Variants in ZFR observed in about 807,000 individuals in gnomAD.
ZFR encodes the protein zinc finger RNA binding protein, also known as zinc finger RNA-binding protein.
A neutral mutation model predicts 130.7 loss-of-function variants in ZFR; 19 were observed. That is an observed-to-expected ratio of 0.15 (90% CI 0.10 to 0.21). ZFR has a LOEUF of 0.21. Ranked by LOEUF, ZFR falls within the 10% of genes least tolerant of loss-of-function variation. ZFR has a pLI of 1.00. For synonymous variants in ZFR, 466 were observed against 456.9 expected (o/e 1.02, Z -0.25); for missense variants, 872 against 1,321.5 (o/e 0.66, Z 5.27).
At chr5:32,431,500 G>C (rs558065917) in intron 2 of ZFR, among the ~76,000 whole-genome samples, 1 of 152,298 alleles carries the variant, frequency 6.6e-6, no homozygotes, top group South Asian at 2.1e-4. Flanking sequence ...AGAAAACATA[G>C]ACAGCTTCTG....
In ZFR at chr5:32,391,726, G is replaced by T. The variant is rs181475494; in HGVS notation, c.1980-1289C>A. On this transcript the variant is annotated intron_variant, in intron 11 of 19. Transcript: ENST00000265069. The stretch of plus-strand genomic sequence containing the variant: ...AGTGCGCTTCCTGACTACCATTACA[G>T]AAACTACCAATTTCCTCAGGTTGGG... 7.2e-5 allele frequency among the ~76,000 whole-genome samples: 11 copies of T among 152,080 alleles called. No homozygotes were observed. In the East Asian group the frequency reaches 2.1e-3, roughly 29 times the overall value.
At chr5:32,437,183 T>G (rs1486735598) in intron 2 of ZFR, among the ~76,000 whole-genome samples, 2 of 152,198 alleles carry the variant, frequency 1.3e-5, no homozygotes, top group East Asian at 3.8e-4. Flanking sequence ...TCAAACTCCA[T>G]AGTCAAAATC....
intron 13 of ZFR, 82 bp downstream of exon 13, chr5:32,388,387 A>G (rs1051175679): frequency 1.6e-6 from 2 of 1,278,894 alleles, no homozygotes; most frequent in Admixed American, 4.1e-5. Context: ...CAGAGTTACC[A>G]GTCATAAGCT....
intron 2 of ZFR, among the ~76,000 whole-genome samples, chr5:32,441,582 G>C (rs557213289): frequency 1.7e-4 from 26 of 151,466 alleles, no homozygotes; most frequent in African/African-American, 5.8e-4. Flanking sequence ...CTGAGTTTGA[G>C]ATCTTCAAAT....
At chr5:32,398,480 G>C (rs576206400) in intron 9 of ZFR, among the ~76,000 whole-genome samples, 1 of 152,256 alleles carries the variant, frequency 6.6e-6, no homozygotes, top group Admixed American at 6.5e-5. Context: ...GATAGGTTCT[G>C]AATGTAATTC....
At position 32,415,072 on chromosome 5, in the gene ZFR, G is replaced by C; in HGVS notation, c.681C>G (p.Ile227Met). 1 of 1,614,186 alleles carries C rather than the reference G, an allele frequency of 6.2e-7. No individual in the cohort carries two copies. Among genetic ancestry groups the C allele is most frequent in the Non-Finnish European group, 8.5e-7 (1 of 1,180,028 alleles). Reference protein sequence around the residue: ...TPSPATTTFSIYPVSSTVQPV... With the variant: ...TPSPATTTFSMYPVSSTVQPV... ...GCTGTACGGTGGAGGATACAGGATA[G>C]ATGGAGAAAGTAGTGGTAGCTGGAC... Residue 227 changes from isoleucine to methionine, a missense_variant, in exon 5 of 20, where the codon ATC becomes ATG. Around this residue, in one of 7 missense-constraint regions of ZFR, gnomAD observed 240 missense variants for 441.2 expected, o/e 0.54. Coordinates refer to ENST00000265069, the MANE Select transcript of ZFR (RefSeq NM_016107.5).
chr5:32,367,032 A>G (rs1173107710), intron 17 of ZFR, among the ~76,000 whole-genome samples: 3 of 152,054 alleles, frequency 2.0e-5, no homozygotes, highest in African/African-American at 7.2e-5. Context: ...AGCTGAGACT[A>G]CAAGTGAATG....
At chr5:32,391,125 T>C (rs1554072075) in intron 11 of ZFR, among the ~76,000 whole-genome samples, 3 of 152,230 alleles carry the variant, frequency 2.0e-5, no homozygotes, top group Non-Finnish European at 4.4e-5. Context: ...TTGTGCAATT[T>C]TGAGCAGTGT....
intron 14 of ZFR, 56 bp downstream of exon 14, chr5:32,387,493 G>T: frequency 1.3e-6 from 2 of 1,586,408 alleles, no homozygotes; most frequent in Non-Finnish European, 1.7e-6. Context: ...AGTCAGTCCC[G>T]CCAAAAACTT....
chr5:32,403,940 TAC>T lies in ZFR; in HGVS notation c.1188_1189del (p.Tyr397CysfsTer8). ...CTTAGCACCACGAATGTGGGCAGCA[TAC>T]GCATCTGCTCCTGTACAAGACACAT... is the stretch of plus-strand genomic sequence containing the variant. On this transcript the variant is annotated frameshift_variant, in exon 7 of 20. Coordinates refer to ENST00000265069, the MANE Select transcript of ZFR (RefSeq NM_016107.5). LOFTEE classifies it high-confidence loss of function. 1 of 1,605,660 alleles carries T rather than the reference TAC, an allele frequency of 6.2e-7. No homozygotes were observed. Among genetic ancestry groups the T allele is most frequent in the Non-Finnish European group, 8.5e-7 (1 of 1,175,964 alleles).
chr5:32,413,835 T>C (rs1344877658), intron 5 of ZFR, among the ~76,000 whole-genome samples: 1 of 152,214 alleles, frequency 6.6e-6, no homozygotes, highest in Non-Finnish European at 1.5e-5. Context: ...AAAAGATTTC[T>C]TTCCTAAATA....
intron 2 of ZFR, among the ~76,000 whole-genome samples, chr5:32,429,558 GTT>G: frequency 6.6e-6 from 1 of 152,296 alleles, no homozygotes; most frequent in South Asian, 2.1e-4. Context: ...CAAGAAGTTA[GTT>G]TAATTCAGAC....
At position 32,444,659 on chromosome 5, in the gene ZFR, G is replaced by A; in HGVS notation, c.-1C>T. On this transcript the variant is annotated 5_prime_UTR_variant, in exon 1 of 20. Coordinates refer to ENST00000265069, the MANE Select transcript of ZFR (RefSeq NM_016107.5). ...AAACTACAGGGCATATGGGAATCATGGGCTCGGGCTGCTGCTGCTGAACTC... is the reference window on the plus strand; with the variant it reads ...AAACTACAGGGCATATGGGAATCATAGGCTCGGGCTGCTGCTGCTGAACTC... 1.3e-6 allele frequency: 2 copies of A among 1,511,086 alleles called. No individual in the cohort carries two copies. The highest frequency in any genetic ancestry group is 1.7e-4 in the Middle Eastern group (1 of 5,878). The allele number at this position is 1,511,086 out of a possible 1,614,324, so 93.6% of individuals were successfully genotyped here. A position where few individuals can be genotyped will look rare whatever the true frequency, so the allele number is the denominator to read the frequency against.
chr5:32,390,622 T>G (rs1178688906), intron 11 of ZFR, among the ~76,000 whole-genome samples, 185 bp from the exon 12 acceptor site: 1 of 152,124 alleles, frequency 6.6e-6, no homozygotes, highest in African/African-American at 2.4e-5. Flanking sequence ...GAAAAGAGCA[T>G]GAAAAGCAGA....
intron 8 of ZFR, among the ~76,000 whole-genome samples, chr5:32,402,434 A>G (rs1461565842): frequency 2.6e-5 from 4 of 152,136 alleles, no homozygotes; most frequent in Non-Finnish European, 5.9e-5. Context: ...TAGAAACACT[A>G]TAGCAGACTG....
At chr5:32,379,491 T>TA (rs10637155) in intron 16 of ZFR, 95,249 of 224,146 alleles carry the variant, frequency 0.42, 14,489 homozygotes, top group East Asian at 0.52. Flanking sequence ...ACAGTAAACT[T>TA]AAAAAAAAAA....
At chr5:32,413,198 AAAC>A (rs1461632050) in intron 5 of ZFR, among the ~76,000 whole-genome samples, 1 of 151,042 alleles carries the variant, frequency 6.6e-6, no homozygotes, top group African/African-American at 2.4e-5. Flanking sequence ...ATCTCAAAAA[AAAC>A]AAAACAAAAC....
rs867520543 is a variant in ZFR at position 32,412,903 on chromosome 5, G to T, written c.784+2066C>A. Among the ~76,000 whole-genome samples, 7 of 152,170 alleles carry T rather than the reference G, an allele frequency of 4.6e-5. No homozygotes were observed. In the South Asian group the frequency reaches 8.3e-4, roughly 18 times the overall value. On this transcript the variant is annotated intron_variant, in intron 5 of 19. Coordinates refer to ENST00000265069, the MANE Select transcript of ZFR (RefSeq NM_016107.5). ...TTTTCTGGAGAATTAAAATTTTCTG[G>T]GGCGGGCACGGTGGCTCATGCCTGT...
intron 4 of ZFR, among the ~76,000 whole-genome samples, chr5:32,416,247 A>G (rs897617526): frequency 2.6e-5 from 4 of 152,224 alleles, no homozygotes; most frequent in Non-Finnish European, 5.9e-5. Context: ...ATAATTTAGC[A>G]CTCAAGCACA....
Sources: allele counts gnomAD v4.1 joint callset (sites outside exome capture counted in the v4.1 genomes callset), GRCh38; gene constraint gnomAD v4.1.1; regional missense constraint gnomAD v4.1.1; transcripts MANE v1.5; gene names NCBI Gene and HGNC (gene_info 2026-07-23, HGNC 2026-07-21).